BRD9: variants seen among roughly 807,000 people sequenced by gnomAD.
BRD9 encodes bromodomain-containing protein 9.
BRD9 carries 47 observed loss-of-function variants against 68.7 expected under a neutral mutation model. The observed-to-expected ratio is 0.68, with a 90% CI of 0.54 to 0.87. The LOEUF is 0.87. Ranked by LOEUF, BRD9 falls within the 40% of genes least tolerant of loss-of-function variation. The pLI, the probability that BRD9 is intolerant of heterozygous loss-of-function variation, is 0.00. For synonymous variants in BRD9, 313 were observed against 293.9 expected (o/e 1.06, Z -0.67); for missense variants, 670 against 748.4 (o/e 0.90, Z 1.22).
chr5:889,909 A>T, intron 3 of BRD9: 1 of 530,098 alleles, frequency 1.9e-6, no homozygotes, highest in Non-Finnish European at 3.3e-6. Context: ...GTGATCACTT[A>T]GCAATGTTTT....
At chr5:878,582 C>T in intron 10 of BRD9, 95 bp from the exon 11 acceptor site, 8 of 1,556,950 alleles carry the variant, frequency 5.1e-6, no homozygotes, top group Non-Finnish European at 7.0e-6. Flanking sequence ...GACCGCCTGG[C>T]TGGCAGCCAG....
chr5:877,206 C>A (rs565336671), intron 11 of BRD9, among the ~76,000 whole-genome samples: 26 of 152,310 alleles, frequency 1.7e-4, no homozygotes, highest in African/African-American at 6.0e-4. Context: ...GACAGGGAGC[C>A]GACTGCGGAC....
intron 3 of BRD9, chr5:889,873 G>A (rs528307238): frequency 1.2e-5 from 10 of 829,022 alleles, no homozygotes; most frequent in Middle Eastern, 2.9e-4. Context: ...TGTAATAACC[G>A]GTAGCCCTTA....
At position 892,793 on chromosome 5, in the gene BRD9, G is replaced by C. The variant is rs530461683; in HGVS notation, c.-136C>G. ...GAGGTTGCCGAGCTCGCTGGGCCGC[G>C]CCGGAAACGGGGCGAGGCGGGGCCG... On this transcript the variant is annotated 5_prime_UTR_variant, in exon 1 of 16. Transcript: ENST00000467963. 2.9e-6 allele frequency: 3 copies of C among 1,030,686 alleles called. No homozygotes were observed. The South Asian group carries it at 1.4e-4, about 48-fold the overall frequency. 63.8% of individuals were successfully genotyped at this position (1,030,686 alleles called of 1,614,324 possible).
chr5:864,159 T>C lies in BRD9; in HGVS notation c.*309A>G, dbSNP rs370851190. ...TTCACGGGGCTGTGTACAGAGACTC[T>C]CTCTGCTGACACGATGGCCACACGC... On this transcript the variant is annotated 3_prime_UTR_variant, in exon 16 of 16. Coordinates refer to ENST00000467963, the MANE Select transcript of BRD9 (RefSeq NM_023924.5). 9.9e-5 allele frequency: 22 copies of C among 221,882 alleles called. No individual in the cohort carries two copies. The East Asian group carries it at 2.3e-3, about 23-fold the overall frequency. The allele number at this position is 221,882 out of a possible 1,614,324, so 13.7% of individuals were successfully genotyped here. A position where few individuals can be genotyped will look rare whatever the true frequency, so the allele number is the denominator to read the frequency against.
intron 12 of BRD9, among the ~76,000 whole-genome samples, chr5:874,939 A>T (rs1750687486): frequency 2.0e-5 from 3 of 152,268 alleles, no homozygotes; most frequent in African/African-American, 7.2e-5. Flanking sequence ...AGGAAGAGGC[A>T]GTGGTGGAAA....
chr5:891,978 C>T, intron 1 of BRD9, 124 bp from the exon 2 acceptor site: 1 of 1,419,330 alleles, frequency 7.0e-7, no homozygotes, highest in Non-Finnish European at 9.3e-7. Context: ...TGCCAACCAG[C>T]AGGGAAAGAC....
At chr5:874,992 A>G (rs970306788) in intron 12 of BRD9, among the ~76,000 whole-genome samples, 3 of 152,250 alleles carry the variant, frequency 2.0e-5, no homozygotes, top group African/African-American at 7.2e-5. Flanking sequence ...AATATGATGA[A>G]AACTACAGAC....
At chr5:866,790 T>G (rs1243166102) in intron 14 of BRD9, among the ~76,000 whole-genome samples, 2 of 152,204 alleles carry the variant, frequency 1.3e-5, no homozygotes, top group South Asian at 4.1e-4. Flanking sequence ...TCTAAAAGCC[T>G]ATGCTCACTT....
intron 14 of BRD9, chr5:865,875 T>C (rs1459744446): frequency 3.3e-6 from 1 of 300,366 alleles, no homozygotes; most frequent in Non-Finnish European, 6.1e-6. Flanking sequence ...CGTGGAGGGA[T>C]GTGGCCACAA....
intron 12 of BRD9, among the ~76,000 whole-genome samples, chr5:872,399 C>T (rs1413096503): frequency 6.6e-6 from 1 of 152,216 alleles, no homozygotes; most frequent in African/African-American, 2.4e-5. Flanking sequence ...AGTTCACTTT[C>T]CCGAAAGGAA....
chr5:887,308 G>T (rs910841172), intron 6 of BRD9, 53 bp downstream of exon 6: 3 of 1,461,538 alleles, frequency 2.1e-6, no homozygotes, highest in Non-Finnish European at 1.9e-6. Context: ...CACAAGCGAC[G>T]GGGGGCAGAG....
At chr5:886,917 C>A in intron 6 of BRD9, 1 of 806,270 alleles carries the variant, frequency 1.2e-6, no homozygotes, top group South Asian at 1.8e-5. Context: ...GTTGTGGGGG[C>A]TTGACCCACC....
chr5:888,553 A>C (rs1252401195), intron 5 of BRD9: 2 of 152,584 alleles, frequency 1.3e-5, no homozygotes, highest in Admixed American at 1.3e-4. Flanking sequence ...AAAACCAATG[A>C]GCAGTTGCTA....
At position 887,345 on chromosome 5, in the gene BRD9, C is replaced by A; in HGVS notation, c.717+16G>T. ...CCCTGCTTTCCGTAGCTCGCTGCTG[C>A]CAGTGAGTTTCTTACTTTGCTCATC... On this transcript the variant is annotated intron_variant, in intron 6 of 15. Coordinates refer to ENST00000467963, the MANE Select transcript of BRD9 (RefSeq NM_023924.5). The A allele has an allele frequency of 6.3e-7, 1 of 1,593,378 alleles. No individual in the cohort carries two copies. Among genetic ancestry groups the A allele is most frequent in the Non-Finnish European group, 8.6e-7 (1 of 1,162,022 alleles).
chr5:891,128 G>A (rs1343507727), intron 3 of BRD9, 27 bp downstream of exon 3: 1 of 1,536,434 alleles, frequency 6.5e-7, no homozygotes, highest in African/African-American at 1.4e-5. Flanking sequence ...GTGAACACCA[G>A]GAGAGTCTCT....
chr5:891,177 G>C lies in BRD9; in HGVS notation c.378C>G (p.Val126=), dbSNP rs1297013825. Residue 126 remains valine, a synonymous_variant, in exon 3 of 16, where the codon GTC becomes GTG. Transcript: ENST00000467963. ...VEVEPPPDRP[V]RACRTQPAEN... Reference sequence around the variant, plus strand: ...TGCCTGGCTGTGTCCGGCACGCTCGGACTGGCCGATCTGGGGGCGGCTCCA... The same window carrying C: ...TGCCTGGCTGTGTCCGGCACGCTCGCACTGGCCGATCTGGGGGCGGCTCCA... The C allele has an allele frequency of 1.4e-5, 22 of 1,551,504 alleles. No homozygotes were observed. Among genetic ancestry groups the C allele is most frequent in the Admixed American group, 5.9e-5 (3 of 50,972 alleles).
intron 3 of BRD9, 48 bp from the exon 4 acceptor site, chr5:889,695 T>C: frequency 6.2e-7 from 1 of 1,602,212 alleles, no homozygotes; most frequent in South Asian, 1.1e-5. Context: ...TTGGTATCCC[T>C]TCATTAGAGA....
intron 13 of BRD9, 96 bp downstream of exon 13, chr5:871,430 G>T: frequency 9.2e-7 from 1 of 1,086,566 alleles, no homozygotes; most frequent in Non-Finnish European, 1.4e-6. Context: ...ATTTCTAAAC[G>T]CCGTCATACA....
Sources: allele counts gnomAD v4.1 joint callset (sites outside exome capture counted in the v4.1 genomes callset), GRCh38; gene constraint gnomAD v4.1.1; transcripts MANE v1.5; gene names NCBI Gene and HGNC (gene_info 2026-07-23, HGNC 2026-07-21).